The following CYFIP1 variants were observed in gnomAD, a reference collection of about 807,000 sequenced individuals.
CYFIP1 encodes cytoplasmic FMR1-interacting protein 1.
In CYFIP1, 58 loss-of-function variants were observed where a neutral mutation model predicts 163.5. The ratio of observed to expected loss-of-function variants is 0.35; its 90% CI spans 0.29 to 0.44. The LOEUF is 0.44. Ranked by LOEUF, CYFIP1 falls within the 20% of genes least tolerant of loss-of-function variation. The pLI, the probability that CYFIP1 is intolerant of heterozygous loss-of-function variation, is 1.00. For missense variants in CYFIP1, 1,338 were observed against 1,653.8 expected (o/e 0.81, Z 3.31); for synonymous variants, 663 against 660.7 (o/e 1.00, Z -0.05).
chr15:22,924,704 G>C (rs111829007), intron 13 of CYFIP1, among the ~76,000 whole-genome samples: 1 of 126,296 alleles, frequency 7.9e-6, no homozygotes, highest in Non-Finnish European at 1.7e-5. Flanking sequence ...TGGGTGAACT[G>C]TATGGTTATG....
chr15:22,870,160 C>A lies in CYFIP1; in HGVS notation c.3630G>T (p.Lys1210Asn). 1 of 1,610,744 alleles carries A rather than the reference C, an allele frequency of 6.2e-7. No individual in the cohort carries two copies. The highest frequency in any genetic ancestry group is 1.1e-5 in the South Asian group (1 of 90,222). ...PLKKMVERIR[K>N]FQILNDEIIT... is the part of the protein sequence containing the mutation. ...TGATCTCATCATTGAGAATCTGGAA[C>A]TTGCGAATTCTCTCCACCATCTTCT... Residue 1210 changes from lysine to asparagine, a missense_variant, in exon 31 of 31, where the codon AAG becomes AAT. By Grantham distance (94) the Lys-to-Asn change is moderately conservative. Coordinates refer to ENST00000617928, the MANE Select transcript of CYFIP1 (RefSeq NM_014608.6).
chr15:22,901,303 G>A (rs775072408), intron 22 of CYFIP1, among the ~76,000 whole-genome samples: 10 of 152,044 alleles, frequency 6.6e-5, no homozygotes, highest in Non-Finnish European at 1.3e-4. Context: ...ATGTTAAAAC[G>A]ACCGGGACAA....
chr15:22,955,477 C>G (rs1476781670), intron 1 of CYFIP1, among the ~76,000 whole-genome samples: 1 of 152,186 alleles, frequency 6.6e-6, no homozygotes. Context: ...CAGCATGGAG[C>G]TGGAGCCACA....
intron 22 of CYFIP1, among the ~76,000 whole-genome samples, chr15:22,899,329 C>T (rs368747834): frequency 1.4e-4 from 21 of 152,206 alleles, no homozygotes; most frequent in East Asian, 1.4e-3. Flanking sequence ...AGTTTTAATA[C>T]GTAGGTAACT....
intron 23 of CYFIP1, among the ~76,000 whole-genome samples, chr15:22,888,624 T>C (rs2059986937): frequency 6.6e-6 from 1 of 151,452 alleles, no homozygotes; most frequent in South Asian, 2.1e-4. Flanking sequence ...CCCAGCCACT[T>C]GGGAGGCTGA....
intron 20 of CYFIP1, among the ~76,000 whole-genome samples, chr15:22,910,225 A>G (rs1004522866): frequency 1.3e-5 from 2 of 151,960 alleles, no homozygotes; most frequent in African/African-American, 2.4e-5. Context: ...CAGTGGTGCA[A>G]TCTCAGCTCA....
intron 21 of CYFIP1, 55 bp downstream of exon 21, chr15:22,909,139 G>C: frequency 6.2e-7 from 1 of 1,606,160 alleles, no homozygotes; most frequent in South Asian, 1.1e-5. Flanking sequence ...ATCTATACAA[G>C]AACTGGACCT....
At chr15:22,901,274 G>A (rs762093881) in intron 22 of CYFIP1, among the ~76,000 whole-genome samples, 5 of 151,880 alleles carry the variant, frequency 3.3e-5, no homozygotes, top group Non-Finnish European at 7.4e-5. Context: ...TAACTGATTC[G>A]GACAGGAATC....
intron 1 of CYFIP1, among the ~76,000 whole-genome samples, chr15:22,980,058 G>T (rs2063424448): frequency 1.3e-5 from 2 of 151,928 alleles, no homozygotes; most frequent in South Asian, 4.2e-4. Context: ...TGCAGGGAGT[G>T]CGGGGACCTG....
At chr15:22,971,681 AAAAAAAG>A (rs1176056518) in intron 1 of CYFIP1, among the ~76,000 whole-genome samples, 1 of 151,962 alleles carries the variant, frequency 6.6e-6, no homozygotes, top group African/African-American at 2.4e-5. Context: ...TGTCTCAAAA[AAAAAAAG>A]AAAAAAGAAA....
At chr15:22,909,557 G>C in intron 20 of CYFIP1, among the ~76,000 whole-genome samples, 1 of 152,268 alleles carries the variant, frequency 6.6e-6, no homozygotes, top group Admixed American at 6.5e-5. Context: ...ATACTTCAGT[G>C]TTGTTCTAAC....
chr15:22,909,608 A>C (rs1392355098), intron 20 of CYFIP1, among the ~76,000 whole-genome samples: 1 of 152,192 alleles, frequency 6.6e-6, no homozygotes, highest in African/African-American at 2.4e-5. Context: ...AATGTCCAAA[A>C]ATGTGCATGA....
chr15:22,875,890 A>ATATATATATATATATATATATG lies in CYFIP1; in HGVS notation c.3043-620_3043-619insCATATATATATATATATATATA, dbSNP rs1555395907. Among the ~76,000 whole-genome samples, 3 of 133,024 alleles carry ATATATATATATATATATATATG rather than the reference A, an allele frequency of 2.3e-5. 1 individual carries two copies. The highest frequency in any genetic ancestry group is 7.4e-5 in the Admixed American group (1 of 13,524). 87.3% of individuals were successfully genotyped at this position (133,024 alleles called of 152,430 possible). ...AGGTCCGTTCTCCAGAATAACATATATATATATAAAGAAAATGTACCTCCA... is the reference window on the plus strand; with the variant it reads ...AGGTCCGTTCTCCAGAATAACATATATATATATATATATATATATATGTATATATAAAGAAAATGTACCTCCA... On this transcript the variant is annotated intron_variant, in intron 26 of 30. Transcript: ENST00000617928.
At position 22,869,892 on chromosome 15, in the gene CYFIP1, A is replaced by G; in HGVS notation, c.*136T>C. 1.4e-6 allele frequency: 1 copy of G among 736,258 alleles called. No homozygotes were observed. Among genetic ancestry groups the G allele is most frequent in the Non-Finnish European group, 1.9e-6 (1 of 521,868 alleles). The allele number at this position is 736,258 out of a possible 1,614,324, so 45.6% of individuals were successfully genotyped here. ...TCTAGAAAAATAAGTCAATTTTATA[A>G]AATTAAGTTTTTAGATCGAAAAGCA... On this transcript the variant is annotated 3_prime_UTR_variant, in exon 31 of 31. Coordinates refer to ENST00000617928, the MANE Select transcript of CYFIP1 (RefSeq NM_014608.6).
At chr15:22,926,133 G>A (rs2061350011) in intron 12 of CYFIP1, 26 bp from the exon 13 acceptor site, 1 of 1,613,096 alleles carries the variant, frequency 6.2e-7, no homozygotes, top group Non-Finnish European at 8.5e-7. Context: ...GAGCAGAGGT[G>A]TTCCATATTG....
intron 23 of CYFIP1, among the ~76,000 whole-genome samples, chr15:22,884,793 C>G (rs557033189): frequency 1.3e-5 from 2 of 152,316 alleles, no homozygotes; most frequent in East Asian, 3.9e-4. Flanking sequence ...CATGGACATT[C>G]AGGCATTTCC....
rs767517928 is a variant in CYFIP1, at chr15:22,953,899, C to CAAAA, written c.-6-6612_-6-6609dup. 2.3e-3 allele frequency among the ~76,000 whole-genome samples: 353 copies of CAAAA among 151,964 alleles called. 3 individuals are homozygous for CAAAA. The highest frequency in any genetic ancestry group is 3.8e-3 in the Non-Finnish European group (257 of 67,962). On this transcript the variant is annotated intron_variant, in intron 1 of 30. Coordinates refer to ENST00000617928, the MANE Select transcript of CYFIP1 (RefSeq NM_014608.6). The stretch of plus-strand genomic sequence containing the variant: ...TGAAACTCCGTCTCTATTAAAAATA[C>CAAAA]AAAAAAATTAGCCAGGCGTGGTGGC...
rs941680424 is a variant in CYFIP1 at position 22,928,432 on chromosome 15, T to A, written c.1111-404A>T. Among the ~76,000 whole-genome samples, 15 of 117,918 alleles carry A rather than the reference T, an allele frequency of 1.3e-4. No individual in the cohort carries two copies. The South Asian group carries it at 1.7e-3, about 13-fold the overall frequency. 77.4% of individuals were successfully genotyped at this position (117,918 alleles called of 152,430 possible). On this transcript the variant is annotated intron_variant, in intron 11 of 30. Coordinates refer to ENST00000617928, the MANE Select transcript of CYFIP1 (RefSeq NM_014608.6). ...ATAAATAAATAAATAAATAAATAAA[T>A]AAAAAGAAAATAAGAAATGCTGTGG... is the stretch of plus-strand genomic sequence containing the variant.
chr15:22,967,753 A>G (rs1056789658), intron 1 of CYFIP1, among the ~76,000 whole-genome samples: 1 of 152,078 alleles, frequency 6.6e-6, no homozygotes, highest in Non-Finnish European at 1.5e-5. Flanking sequence ...ACTGAAATAC[A>G]AGAAGGCCGG....
Sources: allele counts gnomAD v4.1 joint callset (sites outside exome capture counted in the v4.1 genomes callset), GRCh38; gene constraint gnomAD v4.1.1; transcripts MANE v1.5; gene names NCBI Gene and HGNC (gene_info 2026-07-23, HGNC 2026-07-21).